NECAB1: variants seen among roughly 807,000 people sequenced by gnomAD.
The protein encoded by NECAB1 is N-terminal EF-hand calcium-binding protein 1.
NECAB1 carries 29 observed loss-of-function variants against 57.5 expected under a neutral mutation model. That is an observed-to-expected ratio of 0.50 (90% confidence interval 0.38 to 0.69). NECAB1 has a LOEUF of 0.69. NECAB1 is among the 30% of genes least tolerant of loss of function. The probability of loss-of-function intolerance (pLI) is 0.00; values close to 1 mark genes in which losing one functional copy is unlikely to be tolerated. For missense variants in NECAB1, 372 were observed against 413.8 expected (o/e 0.90, Z 0.88); for synonymous variants, 142 against 147.7 (o/e 0.96, Z 0.28).
chr8:90,893,728 T>G (rs1373081138), intron 5 of NECAB1, among the ~76,000 whole-genome samples: 3 of 152,264 alleles, frequency 2.0e-5, no homozygotes, highest in Non-Finnish European at 4.4e-5. Context: ...CAGGAGGCAA[T>G]CAGGGCCCCC....
intron 3 of NECAB1, among the ~76,000 whole-genome samples, chr8:90,830,338 C>CCA (rs1359891311): frequency 4.6e-5 from 7 of 151,994 alleles, no homozygotes; most frequent in Admixed American, 2.6e-4. Context: ...ATAGAGCAGG[C>CCA]CACAGTCCCA....
At chr8:90,931,406 T>C (rs892465351) in intron 8 of NECAB1, among the ~76,000 whole-genome samples, 1 of 152,240 alleles carries the variant, frequency 6.6e-6, no homozygotes, top group Non-Finnish European at 1.5e-5. Flanking sequence ...GAACATATGT[T>C]ATCTTTTCTC....
At chr8:90,887,260 C>G (rs1809026883) in intron 5 of NECAB1, among the ~76,000 whole-genome samples, 1 of 152,048 alleles carries the variant, frequency 6.6e-6, no homozygotes, top group East Asian at 1.9e-4. Context: ...TTTTTTTTAT[C>G]TGAACTTTGA....
At chr8:90,836,773 C>G (rs1014916179) in intron 3 of NECAB1, among the ~76,000 whole-genome samples, 53 of 152,200 alleles carry the variant, frequency 3.5e-4, no homozygotes, top group African/African-American at 1.2e-3. Context: ...ATTCAACAAG[C>G]ATTTATTAAT....
At position 90,957,319 on chromosome 8, in the gene NECAB1, C is replaced by CA. The variant is rs1233950586; in HGVS notation, c.*1812dup. On this transcript the variant is annotated 3_prime_UTR_variant, in exon 13 of 13. Transcript: ENST00000417640. Reference sequence around the variant, plus strand: ...GGTTGGTGCATTTAAGTATCCAACTCAAAAAGCATATCAAATATTTTGGGT... The same window carrying CA: ...GGTTGGTGCATTTAAGTATCCAACTCAAAAAAGCATATCAAATATTTTGGGT... 2 of 151,806 alleles carry CA rather than the reference C, an allele frequency of 1.3e-5. No individual in the cohort carries two copies. The highest frequency in any genetic ancestry group is 1.3e-4 in the Admixed American group (2 of 15,202). 9.4% of individuals were successfully genotyped at this position (151,806 alleles called of 1,614,324 possible).
At chr8:90,795,970 T>C (rs898599111) in intron 1 of NECAB1, among the ~76,000 whole-genome samples, 4 of 152,180 alleles carry the variant, frequency 2.6e-5, no homozygotes, top group Non-Finnish European at 5.9e-5. Flanking sequence ...ATCCTGTACA[T>C]GTACCCCGGA....
intron 4 of NECAB1, among the ~76,000 whole-genome samples, chr8:90,879,258 G>A (rs1190522562): frequency 3.4e-5 from 5 of 146,358 alleles, no homozygotes; most frequent in Non-Finnish European, 6.0e-5. Context: ...GCACTATCAC[G>A]GCTCACTGCA....
At chr8:90,938,050 G>A (rs1810579828) in intron 9 of NECAB1, among the ~76,000 whole-genome samples, 1 of 152,098 alleles carries the variant, frequency 6.6e-6, no homozygotes, top group African/African-American at 2.4e-5. Context: ...ATAGAACAAA[G>A]TAACATGAAA....
intron 8 of NECAB1, among the ~76,000 whole-genome samples, chr8:90,932,962 C>G (rs998334872): frequency 1.3e-5 from 2 of 151,994 alleles, no homozygotes; most frequent in African/African-American, 4.8e-5. Flanking sequence ...AAAGGGCCAA[C>G]AAACTATGAA....
chr8:90,878,044 T>A (rs375819601), intron 4 of NECAB1, among the ~76,000 whole-genome samples: 115 of 152,152 alleles, frequency 7.6e-4, no homozygotes, highest in African/African-American at 2.7e-3. Flanking sequence ...CTTTTTCTTT[T>A]TTTTTTTTCA....
chr8:90,938,271 A>C (rs1338204253), intron 9 of NECAB1, among the ~76,000 whole-genome samples: 2 of 152,182 alleles, frequency 1.3e-5, no homozygotes, highest in Non-Finnish European at 2.9e-5. Context: ...ATTGCAACAA[A>C]ATTTCTATAA....
At chr8:90,803,977 T>A (rs1586031126) in intron 2 of NECAB1, among the ~76,000 whole-genome samples, 1 of 152,282 alleles carries the variant, frequency 6.6e-6, no homozygotes, top group East Asian at 1.9e-4. Context: ...TTAGCACAAT[T>A]GAGTGTTCTC....
chr8:90,911,670 G>A (rs1169898897), intron 5 of NECAB1, among the ~76,000 whole-genome samples: 1 of 152,056 alleles, frequency 6.6e-6, no homozygotes, highest in East Asian at 1.9e-4. Flanking sequence ...AATAACTCAG[G>A]AAAATTAATA....
chr8:90,803,175 G>C (rs1162900593), intron 2 of NECAB1, among the ~76,000 whole-genome samples: 2 of 152,196 alleles, frequency 1.3e-5, no homozygotes, highest in Non-Finnish European at 2.9e-5. Context: ...GGGATTACAA[G>C]CATGGGCCAC....
chr8:90,797,235 A>C (rs1203607222), intron 1 of NECAB1, among the ~76,000 whole-genome samples: 1 of 152,206 alleles, frequency 6.6e-6, no homozygotes, highest in Non-Finnish European at 1.5e-5. Context: ...GTCCTCCTGC[A>C]GTAATTACAT....
At chr8:90,886,049 G>T (rs1808977915) in intron 5 of NECAB1, among the ~76,000 whole-genome samples, 1 of 151,746 alleles carries the variant, frequency 6.6e-6, no homozygotes, top group South Asian at 2.1e-4. Flanking sequence ...AAAGTTCTAG[G>T]CAAGGAAGTT....
intron 5 of NECAB1, among the ~76,000 whole-genome samples, chr8:90,888,386 G>A (rs911722994): frequency 6.6e-6 from 1 of 152,154 alleles, no homozygotes; most frequent in African/African-American, 2.4e-5. Flanking sequence ...AGCTAGATAA[G>A]GGAGAGAAGT....
At chr8:90,892,447 A>G (rs1402875396) in intron 5 of NECAB1, among the ~76,000 whole-genome samples, 1 of 152,252 alleles carries the variant, frequency 6.6e-6, no homozygotes, top group African/African-American at 2.4e-5. Context: ...GTAACATACA[A>G]TATTTAAAAT....
Position 90,911,456 on chromosome 8 carries a change from T to C in NECAB1, c.358-6036T>C, listed in dbSNP as rs1210214221. Among the ~76,000 whole-genome samples, 5 of 152,120 alleles carry C rather than the reference T, an allele frequency of 3.3e-5. No homozygotes were observed. In the East Asian group the frequency reaches 9.6e-4, roughly 29 times the overall value. On this transcript the variant is annotated intron_variant, in intron 5 of 12. Transcript: ENST00000417640. ...TAATTTACTATATCTAATTTACTAA[T>C]TTACTATACTTGAGGCGAATCAAGT...
Sources: gnomAD v4.1 joint callset for allele counts (sites outside exome capture counted in the v4.1 genomes callset) on GRCh38, gnomAD v4.1.1 for gene constraint, MANE v1.5 for transcripts, NCBI Gene and HGNC (gene_info 2026-07-23, HGNC 2026-07-21) for gene names.